Variants in MTUS2 observed in about 807,000 individuals in gnomAD.
The protein encoded by MTUS2 is microtubule-associated tumor suppressor candidate 2.
A neutral mutation model predicts 114.1 loss-of-function variants in MTUS2; 40 were observed. The observed-to-expected ratio is 0.35, with a 90% CI of 0.27 to 0.46. MTUS2 has a LOEUF of 0.46. MTUS2 is among the 20% of genes least tolerant of loss of function. MTUS2 has a pLI of 1.00. For synonymous variants in MTUS2, 688 were observed against 672.0 expected (o/e 1.02, Z -0.37); for missense variants, 1,679 against 1,705.4 (o/e 0.98, Z 0.27).
chr13:29,188,722 T>C (rs887717057), intron 5 of MTUS2, among the ~76,000 whole-genome samples: 1 of 152,088 alleles, frequency 6.6e-6, no homozygotes. Context: ...CATACACATA[T>C]AAGCTTCCCC....
In MTUS2 at chr13:29,026,481, A is replaced by T. The variant is rs974510557; in HGVS notation, c.1783A>T (p.Ser595Cys). Reference protein sequence around the residue: ...PKVPDKNTCPSGIPKPVFTHS... With the variant: ...PKVPDKNTCPCGIPKPVFTHS... The stretch of plus-strand genomic sequence containing the variant: ...AGTGCCTGACAAGAACACTTGCCCC[A>T]GTGGGATCCCCAAGCCTGTCTTCAC... The change falls in exon 3 of 16, where the codon AGT becomes TGT. Residue 595 changes from serine to cysteine, a missense_variant. By Grantham distance (112) the Ser-to-Cys change is moderately radical. This residue lies in a region of MTUS2 where 843 missense variants were observed against 770.8 expected (regional missense o/e 1.09). Coordinates refer to ENST00000612955, the MANE Select transcript of MTUS2 (RefSeq NM_001033602.4). 1 of 1,613,956 alleles carries T rather than the reference A, an allele frequency of 6.2e-7. No homozygotes were observed.
intron 8 of MTUS2, among the ~76,000 whole-genome samples, chr13:29,387,516 G>T (rs953499787): frequency 4.6e-5 from 7 of 152,144 alleles, no homozygotes; most frequent in African/African-American, 1.7e-4. Context: ...GACAATCTAG[G>T]TCATGAGCCC....
At chr13:29,360,690 C>CT in intron 8 of MTUS2, among the ~76,000 whole-genome samples, 1 of 5,946 alleles carries the variant, frequency 1.7e-4, no homozygotes, top group Middle Eastern at 0.071. Flanking sequence ...AGCCGAACAC[C>CT]CCCCCCCCCC....
At chr13:28,950,024 C>T (rs2138170288) in intron 2 of MTUS2, among the ~76,000 whole-genome samples, 2 of 152,328 alleles carry the variant, frequency 1.3e-5, no homozygotes, top group Middle Eastern at 6.8e-3. Flanking sequence ...TCTTGAAGAA[C>T]TGCTGTACTA....
chr13:29,376,031 ATATATATATG>A (rs1566164253), intron 8 of MTUS2, among the ~76,000 whole-genome samples: 141 of 45,312 alleles, frequency 3.1e-3, no homozygotes, highest in African/African-American at 5.2e-3. Flanking sequence ...GTGTGTGTAT[ATATATATATG>A]TGTGTGTGTG....
rs1003535661 is a variant in MTUS2, at chr13:29,206,883, C to G, written c.2645-74821C>G. 4.6e-5 allele frequency among the ~76,000 whole-genome samples: 7 copies of G among 152,154 alleles called. 1 individual carries two copies. The highest frequency in any genetic ancestry group is 4.6e-4 in the Admixed American group (7 of 15,284). On this transcript the variant is annotated intron_variant, in intron 5 of 15. Transcript: ENST00000612955. ...TTCTTTTTGCTTAGCCTTGCTTTGG[C>G]TATATGGACTCTTTTTTGGTTCTAT... is the stretch of plus-strand genomic sequence containing the variant.
At chr13:28,841,062 A>G (rs1407385239) in intron 2 of MTUS2, among the ~76,000 whole-genome samples, 2 of 152,230 alleles carry the variant, frequency 1.3e-5, no homozygotes, top group African/African-American at 4.8e-5. Flanking sequence ...GTTCTCAAAG[A>G]CGATTTAAAC....
At chr13:28,987,349 C>T (rs931800348) in intron 2 of MTUS2, among the ~76,000 whole-genome samples, 23 of 152,094 alleles carry the variant, frequency 1.5e-4, no homozygotes, top group East Asian at 1.9e-4. Context: ...AGTCGCATTG[C>T]ACAGTGGCAC....
chr13:29,127,784 A>G (rs756975368), intron 5 of MTUS2, among the ~76,000 whole-genome samples: 7 of 152,246 alleles, frequency 4.6e-5, no homozygotes, highest in Non-Finnish European at 7.3e-5. Flanking sequence ...GGCAGGAGCC[A>G]CATTTCTCCA....
chr13:28,973,680 A>G (rs1251336995), intron 2 of MTUS2, among the ~76,000 whole-genome samples: 1 of 152,222 alleles, frequency 6.6e-6, no homozygotes, highest in Non-Finnish European at 1.5e-5. Context: ...AGTCAGTTCT[A>G]AGTGTTAGAA....
At chr13:28,926,038 G>A (rs999081912) in intron 2 of MTUS2, among the ~76,000 whole-genome samples, 1 of 152,192 alleles carries the variant, frequency 6.6e-6, no homozygotes, top group African/African-American at 2.4e-5. Context: ...TGAATGAACA[G>A]TGCTTTGCTT....
chr13:28,850,165 T>C (rs1411595981), intron 2 of MTUS2, among the ~76,000 whole-genome samples: 1 of 152,180 alleles, frequency 6.6e-6, no homozygotes, highest in African/African-American at 2.4e-5. Context: ...TTGAAGGTTC[T>C]GATAGTACTT....
intron 2 of MTUS2, among the ~76,000 whole-genome samples, chr13:28,933,111 G>A (rs1881703176): frequency 7.4e-6 from 1 of 135,002 alleles, no homozygotes; most frequent in South Asian, 2.5e-4. Flanking sequence ...GTTCTCTGGA[G>A]AATCAGAACA....
chr13:29,423,307 G>T (rs896509907), intron 8 of MTUS2, among the ~76,000 whole-genome samples: 1 of 152,158 alleles, frequency 6.6e-6, no homozygotes, highest in African/African-American at 2.4e-5. Context: ...CCTTCAAGTG[G>T]CTCTCAAAAG....
chr13:28,845,168 T>C (rs980369143), intron 2 of MTUS2, among the ~76,000 whole-genome samples: 2 of 152,082 alleles, frequency 1.3e-5, no homozygotes, highest in African/African-American at 2.4e-5. Context: ...GCTGTGTTGC[T>C]CAAGCTGATC....
rs146796515 is a variant in MTUS2, at chr13:29,393,775, A to T, written c.3117+34302A>T. On this transcript the variant is annotated intron_variant, in intron 8 of 15. Coordinates refer to ENST00000612955, the MANE Select transcript of MTUS2 (RefSeq NM_001033602.4). ...CAGCTTGGTTTTATATATTTTAGGG[A>T]GACATGAGCCATCAATCAATAAATG... is the stretch of plus-strand genomic sequence containing the variant. 3.3e-4 allele frequency among the ~76,000 whole-genome samples: 51 copies of T among 152,292 alleles called. 1 individual carries two copies. The East Asian group carries it at 9.7e-3, about 29-fold the overall frequency.
chr13:29,171,223 A>G (rs550237101), intron 5 of MTUS2, among the ~76,000 whole-genome samples: 4 of 152,312 alleles, frequency 2.6e-5, no homozygotes, highest in Admixed American at 2.6e-4. Context: ...AGGGCTAACA[A>G]GAACCATTTT....
chr13:29,295,375 T>G (rs966891509), intron 6 of MTUS2, among the ~76,000 whole-genome samples: 1 of 152,184 alleles, frequency 6.6e-6, no homozygotes, highest in African/African-American at 2.4e-5. Context: ...ACTCCTCCTA[T>G]CTGGATGTAC....
At chr13:29,411,700 C>T (rs1440940580) in intron 8 of MTUS2, among the ~76,000 whole-genome samples, 2 of 152,122 alleles carry the variant, frequency 1.3e-5, no homozygotes, top group Non-Finnish European at 2.9e-5. Flanking sequence ...GTCATCCTTC[C>T]AAGAACAGGA....
Sources: allele counts gnomAD v4.1 joint callset (sites outside exome capture counted in the v4.1 genomes callset), GRCh38; gene constraint gnomAD v4.1.1; regional missense constraint gnomAD v4.1.1; transcripts MANE v1.5; gene names NCBI Gene and HGNC (gene_info 2026-07-23, HGNC 2026-07-21).